TGFBRAP1: variants seen among roughly 807,000 people sequenced by gnomAD.
TGFBRAP1 encodes the protein transforming growth factor-beta receptor-associated protein 1.
In TGFBRAP1, 20 loss-of-function variants were observed where a neutral mutation model predicts 83.2. The ratio of observed to expected loss-of-function variants is 0.24; its 90% CI spans 0.17 to 0.35. TGFBRAP1 has a LOEUF of 0.35. Among genes scored for constraint, TGFBRAP1 ranks in the 10% least tolerant of loss-of-function variants. The pLI, the probability that TGFBRAP1 is intolerant of heterozygous loss-of-function variation, is 1.00. For synonymous variants in TGFBRAP1, 415 were observed against 459.8 expected (o/e 0.90, Z 1.25); for missense variants, 950 against 1,099.4 (o/e 0.86, Z 1.92).
chr2:105,287,612 G>A (rs1014324683), intron 4 of TGFBRAP1, among the ~76,000 whole-genome samples: 6 of 152,128 alleles, frequency 3.9e-5, no homozygotes, highest in African/African-American at 1.2e-4. Context: ...GAGCAGAACC[G>A]TGCAACCTCA....
intron 4 of TGFBRAP1, among the ~76,000 whole-genome samples, chr2:105,295,550 C>T (rs767702797): frequency 3.9e-5 from 6 of 152,216 alleles, no homozygotes; most frequent in Non-Finnish European, 7.4e-5. Context: ...CGGTGGCTCA[C>T]GCCTGTAATC....
intron 8 of TGFBRAP1, among the ~76,000 whole-genome samples, chr2:105,274,065 G>A (rs1329903181): frequency 6.6e-6 from 1 of 152,224 alleles, no homozygotes; most frequent in East Asian, 1.9e-4. Context: ...TCCAAGAACA[G>A]GGATAGCCAG....
chr2:105,315,729 C>A (rs929018374), intron 1 of TGFBRAP1, among the ~76,000 whole-genome samples: 3 of 152,132 alleles, frequency 2.0e-5, no homozygotes, highest in Admixed American at 2.0e-4. Context: ...TGTAGAACAA[C>A]TGGAAATCTC....
In TGFBRAP1 at chr2:105,264,421, A is replaced by G. The variant is rs1189422861; in HGVS notation, c.*2962T>C. ...GCGAGTGAAAACCATCACTCCATCA[A>G]GGCAATTTTTATTTTAAAAAATTAC... On this transcript the variant is annotated 3_prime_UTR_variant, in exon 12 of 12. Transcript: ENST00000393359. The G allele has an allele frequency of 2.0e-5, 3 of 152,254 alleles. No individual in the cohort carries two copies. Among genetic ancestry groups the G allele is most frequent in the African/African-American group, 7.2e-5 (3 of 41,468 alleles). The allele number at this position is 152,254 out of a possible 1,614,324, so 9.4% of individuals were successfully genotyped here.
At chr2:105,302,842 C>T (rs1255403422) in intron 2 of TGFBRAP1, among the ~76,000 whole-genome samples, 1 of 152,170 alleles carries the variant, frequency 6.6e-6, no homozygotes, top group African/African-American at 2.4e-5. Context: ...TAGTTGATGG[C>T]ATAACCACAC....
At chr2:105,252,149 T>TAAATA in the TGFBRAP1 span, among the ~76,000 whole-genome samples, 2 of 152,034 alleles carry the variant, frequency 1.3e-5, no homozygotes, top group East Asian at 1.9e-4. Context: ...AAAAAATAAA[T>TAAATA]AAATAAAATA....
At chr2:105,267,769 C>T (rs1282625766) in intron 11 of TGFBRAP1, 3 of 985,282 alleles carry the variant, frequency 3.0e-6, no homozygotes, top group African/African-American at 1.7e-5. Flanking sequence ...TACACAATTG[C>T]TTTTCTTATT....
At chr2:105,284,168 T>A (rs921304424) in intron 5 of TGFBRAP1, 148 bp downstream of exon 5, 34 of 669,794 alleles carry the variant, frequency 5.1e-5, no homozygotes, top group Non-Finnish European at 7.6e-5. Flanking sequence ...ATTGGCGGGG[T>A]CTGCTGTCAC....
intron 4 of TGFBRAP1, among the ~76,000 whole-genome samples, chr2:105,295,809 CAAAA>C (rs368369527): frequency 4.0e-5 from 3 of 74,998 alleles, no homozygotes; most frequent in Admixed American, 1.6e-4. Context: ...GACTCCATCT[CAAAA>C]AAAAAAAAAA....
rs115299053 is a variant in TGFBRAP1 at position 105,289,144 on chromosome 2, C to T, written c.1039-4746G>A. Among the ~76,000 whole-genome samples the T allele has an allele frequency of 1.5e-3, 225 of 151,786 alleles. 1 individual carries two copies. The highest frequency in any genetic ancestry group is 4.9e-3 in the African/African-American group (202 of 41,378). ...TCCAAACATGGGAATGGGGAAGGGA[C>T]GCAGCGAGGTGGTGGCAAGAAAAGA... On this transcript the variant is annotated intron_variant, in intron 4 of 11. Coordinates refer to ENST00000393359, the MANE Select transcript of TGFBRAP1 (RefSeq NM_004257.6).
intron 1 of TGFBRAP1, among the ~76,000 whole-genome samples, chr2:105,321,547 C>T (rs1021383582): frequency 2.0e-5 from 3 of 152,148 alleles, no homozygotes; most frequent in African/African-American, 7.2e-5. Context: ...CTCTGAGAAG[C>T]AGTTTCTCAA....
chr2:105,315,057 A>C lies in TGFBRAP1; in HGVS notation c.-17-6739T>G, dbSNP rs187409753. ...AACCCACAAAAAAGCTATTAGAATT[A>C]ATGACTTTATAGTTTAATTTTTTTA... On this transcript the variant is annotated intron_variant, in intron 1 of 11. Transcript: ENST00000393359. Among the ~76,000 whole-genome samples the C allele has an allele frequency of 7.2e-5, 11 of 152,238 alleles. No homozygotes were observed. In the East Asian group the frequency reaches 2.1e-3, roughly 29 times the overall value.
At chr2:105,305,711 C>A (rs1195210549) in intron 2 of TGFBRAP1, among the ~76,000 whole-genome samples, 1 of 152,190 alleles carries the variant, frequency 6.6e-6, no homozygotes, top group Non-Finnish European at 1.5e-5. Context: ...GTCACCCAGG[C>A]TGGAGTGCAG....
At chr2:105,305,937 G>A (rs1230300808) in intron 2 of TGFBRAP1, among the ~76,000 whole-genome samples, 1 of 152,166 alleles carries the variant, frequency 6.6e-6, no homozygotes, top group African/African-American at 2.4e-5. Flanking sequence ...TTACAGGCGT[G>A]AGCCACCTAG....
chr2:105,311,348 G>A (rs13398259), intron 1 of TGFBRAP1, among the ~76,000 whole-genome samples: 6,977 of 152,102 alleles, frequency 0.046, 554 homozygotes, highest in African/African-American at 0.16. Context: ...AGAATTACAT[G>A]GAGGTAAATG....
At chr2:105,272,027 T>C (rs998618012) in intron 10 of TGFBRAP1, among the ~76,000 whole-genome samples, 1 of 152,234 alleles carries the variant, frequency 6.6e-6, no homozygotes, top group African/African-American at 2.4e-5. Context: ...AAGGTTGTGA[T>C]GTGCTTTATG....
intron 3 of TGFBRAP1, among the ~76,000 whole-genome samples, chr2:105,297,022 T>G (rs528196897): frequency 6.6e-6 from 1 of 152,230 alleles, no homozygotes; most frequent in African/African-American, 2.4e-5. Flanking sequence ...TTGCCATTAA[T>G]GTATTCATCT....
chr2:105,283,725 C>A (rs557008068), intron 5 of TGFBRAP1, among the ~76,000 whole-genome samples: 76 of 152,244 alleles, frequency 5.0e-4, no homozygotes, highest in African/African-American at 1.7e-3. Flanking sequence ...GCAGGTGTGG[C>A]GGGCAGGGGA....
intron 4 of TGFBRAP1, among the ~76,000 whole-genome samples, chr2:105,290,133 C>T (rs1216516802): frequency 1.3e-5 from 2 of 152,212 alleles, no homozygotes; most frequent in African/African-American, 4.8e-5. Context: ...GTGGCACAAT[C>T]TTGGCTCACT....
Sources: allele counts gnomAD v4.1 joint callset (sites outside exome capture counted in the v4.1 genomes callset), GRCh38; gene constraint gnomAD v4.1.1; transcripts MANE v1.5; gene names NCBI Gene and HGNC (gene_info 2026-07-23, HGNC 2026-07-21).